Variants in ZNF407 observed in about 807,000 individuals in gnomAD.
The protein encoded by ZNF407 is zinc finger protein 407.
Under a neutral mutation model 131.2 loss-of-function variants are expected in ZNF407, and 17 were observed. The observed-to-expected ratio is 0.13, with a 90% confidence interval of 0.09 to 0.19. ZNF407 has a LOEUF of 0.19. Ranked by LOEUF, ZNF407 falls within the 10% of genes least tolerant of loss-of-function variation. The pLI is 1.00. For missense variants in ZNF407, 2,681 were observed against 2,830.6 expected, an observed-to-expected ratio of 0.95 and a Z score of 1.20; for synonymous variants, 1,156 against 1,062.0, an observed-to-expected ratio of 1.09 and a Z score of -1.72.
At chr18:74,859,834 A>G (rs1012476083) in intron 4 of ZNF407, among the ~76,000 whole-genome samples, 2 of 152,160 alleles carry the variant, frequency 1.3e-5, no homozygotes, top group Non-Finnish European at 2.9e-5. Context: ...CCCATGGTAG[A>G]TGTTTAAAAG....
At chr18:74,657,346 GA>G (rs1985506787) in intron 3 of ZNF407, among the ~76,000 whole-genome samples, 1 of 152,058 alleles carries the variant, frequency 6.6e-6, no homozygotes, top group South Asian at 2.1e-4. Context: ...TTTCACTGCT[GA>G]ATTTTCTGAC....
chr18:74,770,705 G>A (rs978634134), intron 3 of ZNF407, among the ~76,000 whole-genome samples: 2 of 152,036 alleles, frequency 1.3e-5, no homozygotes, highest in African/African-American at 4.8e-5. Context: ...CATTTGCTCC[G>A]GGAAATTGTG....
intron 4 of ZNF407, among the ~76,000 whole-genome samples, chr18:74,842,769 G>A (rs1230843363): frequency 6.6e-6 from 1 of 152,086 alleles, no homozygotes; most frequent in Non-Finnish European, 1.5e-5. Flanking sequence ...TGTTGCCCAG[G>A]ATGGAGTGCA....
chr18:74,894,143 C>T (rs1971422831), intron 7 of ZNF407, among the ~76,000 whole-genome samples: 1 of 152,054 alleles, frequency 6.6e-6, no homozygotes, highest in Non-Finnish European at 1.5e-5. Flanking sequence ...ACATCTCATT[C>T]TATTTAAATG....
intron 3 of ZNF407, among the ~76,000 whole-genome samples, chr18:74,663,839 C>G (rs1159729237): frequency 5.9e-5 from 9 of 152,130 alleles, no homozygotes; most frequent in Admixed American, 2.0e-4. Context: ...ATCTTTGAGA[C>G]TTTAAAGGCC....
chr18:74,736,816 C>G (rs1404029876), intron 3 of ZNF407, among the ~76,000 whole-genome samples: 2 of 152,134 alleles, frequency 1.3e-5, no homozygotes, highest in Non-Finnish European at 2.9e-5. Flanking sequence ...TAAACGTTCT[C>G]ATTTATGGTC....
At chr18:74,914,602 C>T (rs565509853) in intron 7 of ZNF407, among the ~76,000 whole-genome samples, 2 of 152,296 alleles carry the variant, frequency 1.3e-5, no homozygotes, top group South Asian at 4.2e-4. Flanking sequence ...TGGTAGTTTG[C>T]TGTACTAACC....
intron 6 of ZNF407, among the ~76,000 whole-genome samples, chr18:74,882,829 A>G (rs1971256007): frequency 6.6e-6 from 1 of 152,198 alleles, no homozygotes; most frequent in Non-Finnish European, 1.5e-5. Flanking sequence ...AATTGGAAAC[A>G]TTTATGGTAA....
At chr18:75,027,711 CAA>C (rs1030304791) in intron 8 of ZNF407, among the ~76,000 whole-genome samples, 21 of 152,184 alleles carry the variant, frequency 1.4e-4, no homozygotes, top group African/African-American at 4.6e-4. Context: ...TGAGGAGAGA[CAA>C]GAGAGGGTTC....
intron 4 of ZNF407, among the ~76,000 whole-genome samples, chr18:74,825,645 T>C (rs1430746041): frequency 6.6e-6 from 1 of 152,000 alleles, no homozygotes; most frequent in Non-Finnish European, 1.5e-5. Context: ...AAAACCCGGG[T>C]TGTGGCTCTG....
chr18:74,964,580 G>GTT (rs35373107), intron 8 of ZNF407, among the ~76,000 whole-genome samples: 8,562 of 118,388 alleles, frequency 0.072, 472 homozygotes, highest in East Asian at 0.14. Context: ...TATCATCCGG[G>GTT]TTTTTTTTTT....
intron 1 of ZNF407, among the ~76,000 whole-genome samples, chr18:74,629,226 T>G (rs562244812): frequency 6.6e-6 from 1 of 152,242 alleles, no homozygotes; most frequent in African/African-American, 2.4e-5. Flanking sequence ...GCTTGTTATC[T>G]GATTTTTTGA....
intron 8 of ZNF407, among the ~76,000 whole-genome samples, chr18:74,968,224 C>G (rs1191759145): frequency 6.6e-6 from 1 of 152,222 alleles, no homozygotes; most frequent in Non-Finnish European, 1.5e-5. Context: ...ATCCCAGTCT[C>G]ATATTCACCA....
chr18:75,063,346 G>C lies in ZNF407; in HGVS notation c.5625G>C (p.Glu1875Asp), dbSNP rs1973661388. Residue 1875 changes from glutamate (E) to aspartate (D), a missense_variant, in exon 9 of 9, where the codon GAG becomes GAC. Around this residue, in one of 6 missense-constraint regions of ZNF407, gnomAD observed 620 missense variants for 583.1 expected, o/e 1.06. Coordinates refer to ENST00000299687, the MANE Select transcript of ZNF407 (RefSeq NM_017757.3). This position sits in a 1 kb window ranked among gnomAD's most constrained non-coding sequence, Gnocchi z 6.6. ...TCATCTTCCAGGGCTACGACGGGGA[G>C]TTTGCCCTGGACCCCTCGGTGGAGG... ...QVIIFQGYDG[E>D]FALDPSVEET... The C allele has an allele frequency of 5.0e-6, 8 of 1,612,776 alleles. No homozygotes were observed. The highest frequency in any genetic ancestry group is 6.8e-6 in the Non-Finnish European group (8 of 1,179,646).
intron 7 of ZNF407, among the ~76,000 whole-genome samples, chr18:74,907,940 GT>G: frequency 6.6e-6 from 1 of 152,090 alleles, no homozygotes; most frequent in South Asian, 2.1e-4. Context: ...GTCACCTTAA[GT>G]TTTAATTCGC....
intron 4 of ZNF407, among the ~76,000 whole-genome samples, chr18:74,830,448 A>G (rs1260116017): frequency 4.6e-5 from 7 of 151,908 alleles, no homozygotes; most frequent in Admixed American, 6.6e-5. Flanking sequence ...ATGCCTGGCT[A>G]ATTTTTGTTT....
chr18:74,938,477 A>G (rs1195544594), intron 8 of ZNF407, among the ~76,000 whole-genome samples: 8 of 152,032 alleles, frequency 5.3e-5, no homozygotes, highest in African/African-American at 1.5e-4. Flanking sequence ...CACATAGTGT[A>G]CCCTTTTAGA....
intron 4 of ZNF407, among the ~76,000 whole-genome samples, chr18:74,848,377 G>T (rs1446964846): frequency 6.6e-6 from 1 of 152,090 alleles, no homozygotes; most frequent in South Asian, 2.1e-4. Flanking sequence ...CAATAAAACC[G>T]TAAAAAAGAA....
chr18:74,913,547 G>A (rs886215347), intron 7 of ZNF407, among the ~76,000 whole-genome samples: 4 of 152,136 alleles, frequency 2.6e-5, no homozygotes, highest in Non-Finnish European at 4.4e-5. Context: ...AAGAATATAA[G>A]ACATATCTGT....
Sources: gnomAD v4.1 joint callset for allele counts (sites outside exome capture counted in the v4.1 genomes callset) on GRCh38, gnomAD v4.1.1 for gene constraint, gnomAD v4.1.1 regional missense constraint, Gnocchi (gnomAD v3.1) non-coding constraint, MANE v1.5 for transcripts, NCBI Gene and HGNC (gene_info 2026-07-23, HGNC 2026-07-21) for gene names.